The following TBC1D8 variants were observed in gnomAD, a reference collection of about 807,000 sequenced individuals.
The protein encoded by TBC1D8 is TBC1 domain family member 8, also known as BUB2-like protein 1.
In TBC1D8, 65 loss-of-function variants were observed where a neutral mutation model predicts 118.8. The observed-to-expected ratio is 0.55, with a 90% CI of 0.45 to 0.67. TBC1D8 has a LOEUF of 0.67. Among genes scored for constraint, TBC1D8 ranks in the 30% least tolerant of loss-of-function variants. The pLI, the probability that TBC1D8 is intolerant of heterozygous loss-of-function variation, is 0.00. For missense variants in TBC1D8, 1,376 were observed against 1,471.2 expected (o/e 0.94, Z 1.06); for synonymous variants, 566 against 595.8 (o/e 0.95, Z 0.73).
chr2:101,141,606 C>G (rs1679102399), intron 1 of TBC1D8, among the ~76,000 whole-genome samples: 1 of 151,860 alleles, frequency 6.6e-6, no homozygotes, highest in Admixed American at 6.6e-5. Flanking sequence ...AGAATAAACT[C>G]TGAAGGAAAA....
intron 1 of TBC1D8, among the ~76,000 whole-genome samples, chr2:101,139,640 G>A (rs1257194814): frequency 6.6e-6 from 1 of 151,986 alleles, no homozygotes; most frequent in Non-Finnish European, 1.5e-5. Flanking sequence ...CAAGTCCCAG[G>A]TATCCCACAC....
intron 18 of TBC1D8, 198 bp downstream of exon 18, chr2:101,011,253 G>A: frequency 1.4e-6 from 1 of 693,448 alleles, no homozygotes; most frequent in South Asian, 1.9e-5. Flanking sequence ...GAACTTGGTG[G>A]TGGGGGCAAG....
chr2:101,067,975 T>C (rs1374973867), intron 2 of TBC1D8, among the ~76,000 whole-genome samples: 1 of 152,228 alleles, frequency 6.6e-6, no homozygotes, highest in Non-Finnish European at 1.5e-5. Flanking sequence ...CAGGAGTAGA[T>C]GCCCTCTCAA....
chr2:101,102,017 T>C (rs72822917), intron 1 of TBC1D8, among the ~76,000 whole-genome samples: 1 of 148,404 alleles, frequency 6.7e-6, no homozygotes, highest in African/African-American at 2.5e-5. Flanking sequence ...GTTTTGTTGG[T>C]TTTTTTTAGA....
At chr2:101,063,259 G>A (rs1263371834) in intron 2 of TBC1D8, among the ~76,000 whole-genome samples, 1 of 152,082 alleles carries the variant, frequency 6.6e-6, no homozygotes, top group African/African-American at 2.4e-5. Context: ...TTGAGACAAA[G>A]TCATCAAAAA....
In TBC1D8 at chr2:101,077,209, G is replaced by C. The variant is rs187040766; in HGVS notation, c.283+13000C>G. ...CAGCTAATTTTTTGCATTTCTAGTAGAGACGGGGTTTCACTGTGTTAGCCA... is the reference window on the plus strand; with the variant it reads ...CAGCTAATTTTTTGCATTTCTAGTACAGACGGGGTTTCACTGTGTTAGCCA... On this transcript the variant is annotated intron_variant, in intron 2 of 19. Coordinates refer to ENST00000409318, the MANE Select transcript of TBC1D8 (RefSeq NM_001330348.2). Among the ~76,000 whole-genome samples the C allele has an allele frequency of 1.5e-3, 223 of 149,226 alleles. 2 individuals are homozygous for C. Among genetic ancestry groups the C allele is most frequent in the East Asian group, 3.8e-3 (19 of 5,014 alleles).
chr2:101,037,229 G>A (rs1014628121), intron 8 of TBC1D8, among the ~76,000 whole-genome samples: 2 of 152,240 alleles, frequency 1.3e-5, no homozygotes, highest in African/African-American at 4.8e-5. Flanking sequence ...CACACAGACA[G>A]CACTGGCTGG....
chr2:101,036,113 C>A lies in TBC1D8; in HGVS notation c.1508G>T (p.Arg503Ile), dbSNP rs761476853. ...LWNDHFVEYG[R>I]TVCMFRTEKI... ...CTCTGTGCGAAACATACACACGGTT[C>A]TGCCGTATTCCACAAAGTGGTCATT... Residue 503 changes from arginine (R) to isoleucine (I), a missense_variant, in exon 9 of 20, where the codon AGA becomes ATA. Transcript: ENST00000409318. The A allele has an allele frequency of 6.2e-7, 1 of 1,614,022 alleles. No individual in the cohort carries two copies. Among genetic ancestry groups the A allele is most frequent in the South Asian group, 1.1e-5 (1 of 91,080 alleles).
chr2:101,031,878 C>T (rs1467244254), intron 11 of TBC1D8, among the ~76,000 whole-genome samples: 1 of 152,054 alleles, frequency 6.6e-6, no homozygotes, highest in Non-Finnish European at 1.5e-5. Context: ...CGAGAGGCAT[C>T]CCCCCAGGCC....
chr2:101,133,335 T>C (rs888467136), intron 1 of TBC1D8, among the ~76,000 whole-genome samples: 9 of 152,110 alleles, frequency 5.9e-5, no homozygotes, highest in African/African-American at 2.2e-4. Flanking sequence ...TCTTTTTGTG[T>C]GAGTCCATTT....
In TBC1D8 at chr2:101,092,363, C is replaced by A. The variant is rs148688226; in HGVS notation, c.128-1999G>T. 2.8e-3 allele frequency among the ~76,000 whole-genome samples: 434 copies of A among 152,310 alleles called. 2 individuals are homozygous for A. Among genetic ancestry groups the A allele is most frequent in the African/African-American group, 9.8e-3 (406 of 41,572 alleles). ...GGTGGCAGATGACCTCTACTTGTCC[C>A]ATTCTTGGTAACGTTCGCTTTCATC... On this transcript the variant is annotated intron_variant, in intron 1 of 19. Transcript: ENST00000409318.
chr2:101,105,025 CAAA>C (rs4069926), intron 1 of TBC1D8, among the ~76,000 whole-genome samples: 28 of 115,664 alleles, frequency 2.4e-4, no homozygotes, highest in Non-Finnish European at 4.2e-4. Context: ...AACTCTATCT[CAAA>C]AAAAAAAAAA....
intron 1 of TBC1D8, among the ~76,000 whole-genome samples, chr2:101,113,783 T>G (rs1677707271): frequency 6.6e-6 from 1 of 152,048 alleles, no homozygotes; most frequent in Admixed American, 6.6e-5. Flanking sequence ...GGAAGACAAC[T>G]CCATAGGCTC....
rs555476240 is a variant in TBC1D8, at chr2:101,135,066, G to A, written c.127+16061C>T. Among the ~76,000 whole-genome samples, 176 of 152,306 alleles carry A rather than the reference G, an allele frequency of 1.2e-3. 1 individual carries two copies. Among genetic ancestry groups the A allele is most frequent in the African/African-American group, 4.1e-3 (170 of 41,574 alleles). ...GGGCGCCTGCAGTCCCAGCTACTCAGGAGGCTGAGGCAGGAGAATGGCATG... is the reference window on the plus strand; with the variant it reads ...GGGCGCCTGCAGTCCCAGCTACTCAAGAGGCTGAGGCAGGAGAATGGCATG... On this transcript the variant is annotated intron_variant, in intron 1 of 19. Transcript: ENST00000409318.
intron 1 of TBC1D8, among the ~76,000 whole-genome samples, chr2:101,091,957 T>C (rs1676067383): frequency 6.6e-6 from 1 of 152,236 alleles, no homozygotes; most frequent in African/African-American, 2.4e-5. Flanking sequence ...CCCCGTCATA[T>C]ATTTAGTACA....
chr2:101,046,280 C>T (rs1460188254), intron 5 of TBC1D8, among the ~76,000 whole-genome samples: 4 of 152,178 alleles, frequency 2.6e-5, no homozygotes, highest in South Asian at 2.1e-4. Flanking sequence ...GCGGTCGGCA[C>T]GAAGGGCCCC....
At chr2:101,071,768 T>C (rs538625991) in intron 2 of TBC1D8, among the ~76,000 whole-genome samples, 2 of 152,360 alleles carry the variant, frequency 1.3e-5, no homozygotes, top group African/African-American at 4.8e-5. Flanking sequence ...AGTTCAAATA[T>C]GCATCCTTAT....
intron 1 of TBC1D8, among the ~76,000 whole-genome samples, chr2:101,136,812 T>G (rs1286447421): frequency 6.6e-6 from 1 of 152,174 alleles, no homozygotes; most frequent in East Asian, 1.9e-4. Flanking sequence ...TTGCTTACGT[T>G]TCACATTTAT....
intron 3 of TBC1D8, 31 bp downstream of exon 3, chr2:101,059,390 T>A: frequency 6.6e-7 from 1 of 1,510,422 alleles, no homozygotes; most frequent in Non-Finnish European, 9.2e-7. Flanking sequence ...GATGGAAAGA[T>A]GGGGAGAAAC....
Sources: gnomAD v4.1 joint callset for allele counts (sites outside exome capture counted in the v4.1 genomes callset) on GRCh38, gnomAD v4.1.1 for gene constraint, MANE v1.5 for transcripts, NCBI Gene and HGNC (gene_info 2026-07-23, HGNC 2026-07-21) for gene names.